PP2D1: variants seen among roughly 807,000 people sequenced by gnomAD.
PP2D1 encodes the protein protein phosphatase 2C-like domain-containing protein 1.
A neutral mutation model predicts 30.2 loss-of-function variants in PP2D1; 25 were observed. The observed-to-expected ratio is 0.83, with a 90% CI of 0.60 to 1.16. The LOEUF (loss-of-function observed/expected upper bound fraction) is 1.16, where lower values mean the gene tolerates loss of function less well. Ranked by LOEUF, PP2D1 falls within the 50% of genes most tolerant of loss-of-function variation. The pLI, the probability that PP2D1 is intolerant of heterozygous loss-of-function variation, is 0.00. For synonymous variants in PP2D1, 260 were observed against 258.9 expected (o/e 1.00, Z -0.04); for missense variants, 760 against 742.4 (o/e 1.02, Z -0.28).
At chr3:20,009,554 G>A (rs1697361291) in intron 1 of PP2D1, among the ~76,000 whole-genome samples, 1 of 152,070 alleles carries the variant, frequency 6.6e-6, no homozygotes, top group Non-Finnish European at 1.5e-5. Flanking sequence ...AAAATGAATG[G>A]AAAATAATGT....
At position 19,986,033 on chromosome 3, in the gene PP2D1, C is replaced by G; in HGVS notation, c.1240G>C (p.Val414Leu). 6.5e-7 allele frequency: 1 copy of G among 1,536,094 alleles called. No homozygotes were observed. Among genetic ancestry groups the G allele is most frequent in the Non-Finnish European group, 8.7e-7 (1 of 1,146,878 alleles). The change falls in exon 3 of 3, where the codon GTA (valine) becomes CTA (leucine). Residue 414 changes from valine to leucine, a missense_variant. Physicochemically the swap from Val to Leu is conservative, Grantham distance 32. Transcript: ENST00000389050. Reference protein sequence around the residue: ...NEPYGLVEGQVKTTRGLGFHG... With the variant: ...NEPYGLVEGQLKTTRGLGFHG... The stretch of plus-strand genomic sequence containing the variant: ...AATCCAAGTCCTCGTGTAGTTTTTA[C>G]TTGCCCCTCTACAAGCCCGTATGGT...
intron 2 of PP2D1, among the ~76,000 whole-genome samples, chr3:19,991,399 G>A (rs1697118002): frequency 6.6e-6 from 1 of 152,192 alleles, no homozygotes; most frequent in South Asian, 2.1e-4. Flanking sequence ...AGCCAGAAAG[G>A]TGACTTAGTG....
At chr3:20,004,212 A>G (rs1447357880) in intron 1 of PP2D1, among the ~76,000 whole-genome samples, 3 of 152,172 alleles carry the variant, frequency 2.0e-5, no homozygotes, top group Non-Finnish European at 2.9e-5. Context: ...AATACTTACC[A>G]TGTGTTACAA....
chr3:19,980,445 A>ATTTTTTTTTTTT (rs11441052), downstream of PP2D1, among the ~76,000 whole-genome samples: 1 of 148,104 alleles, frequency 6.8e-6, no homozygotes, highest in African/African-American at 2.5e-5. Flanking sequence ...AGGTTAGTAA[A>ATTTTTTTTTTTT]TTTTTTTTTC....
At chr3:19,982,538 A>C (rs1470755403), downstream of PP2D1, among the ~76,000 whole-genome samples, 1 of 152,128 alleles carries the variant, frequency 6.6e-6, no homozygotes, top group Admixed American at 6.5e-5. Context: ...TTACTCTGCA[A>C]GGTGTAAGTT....
chr3:20,008,150 G>A (rs1203046344), intron 1 of PP2D1: 2 of 155,516 alleles, frequency 1.3e-5, no homozygotes, highest in African/African-American at 2.4e-5. Context: ...CGGTGGCGGC[G>A]GCTGTTACTG....
chr3:20,001,645 A>G lies in PP2D1; in HGVS notation c.475T>C (p.Tyr159His). ...IFDNIDRSVIYSQKICHLLIK... is the reference protein window; with the variant it reads ...IFDNIDRSVIHSQKICHLLIK... ...AACAGATGACATATTTTTTGAGAATATATGACACTCCTGTCAATGTTATCA... is the reference window on the plus strand; with the variant it reads ...AACAGATGACATATTTTTTGAGAATGTATGACACTCCTGTCAATGTTATCA... The change falls in exon 2 of 3, where the codon TAT (tyrosine) becomes CAT (histidine). Residue 159 changes from tyrosine to histidine, a missense_variant. Transcript: ENST00000389050. 1 of 1,536,318 alleles carries G rather than the reference A, an allele frequency of 6.5e-7. No individual in the cohort carries two copies. Among genetic ancestry groups the G allele is most frequent in the Non-Finnish European group, 8.7e-7 (1 of 1,146,906 alleles).
rs1395330346 is a variant in PP2D1, at chr3:20,012,152, G to T, written c.-80C>A. 3 of 1,187,738 alleles carry T rather than the reference G, an allele frequency of 2.5e-6. No homozygotes were observed. The highest frequency in any genetic ancestry group is 3.6e-6 in the Non-Finnish European group (3 of 839,342). 73.6% of individuals were successfully genotyped at this position (1,187,738 alleles called of 1,614,324 possible). ...TATTTCTCCAACTTGAGTAGTGATG[G>T]TGATGGTGGAGGTAGAGGTGAATGT... On this transcript the variant is annotated 5_prime_UTR_variant, in exon 1 of 3. Transcript: ENST00000389050.
chr3:20,008,029 GC>G (rs1023058359), intron 1 of PP2D1: 1 of 180,910 alleles, frequency 5.5e-6, no homozygotes, highest in African/African-American at 2.4e-5. Context: ...CTTCTTTCTA[GC>G]CTCTGGATAG....
intron 1 of PP2D1, among the ~76,000 whole-genome samples, chr3:20,008,541 C>T (rs1450241846): frequency 6.6e-6 from 1 of 151,876 alleles, no homozygotes; most frequent in Non-Finnish European, 1.5e-5. Context: ...CACTCCAGCC[C>T]GGGCAACAAG....
downstream of PP2D1, among the ~76,000 whole-genome samples, chr3:19,983,345 CA>C (rs34872300): frequency 8.6e-3 from 788 of 92,084 alleles, 5 homozygotes; most frequent in African/African-American, 0.029. Context: ...GACTACATCT[CA>C]AAAAAAAAAA....
chr3:19,980,445 A>ATTTTTTTT (rs11441052), downstream of PP2D1, among the ~76,000 whole-genome samples: 10 of 148,098 alleles, frequency 6.8e-5, no homozygotes, highest in Non-Finnish European at 7.4e-5. Flanking sequence ...AGGTTAGTAA[A>ATTTTTTTT]TTTTTTTTTC....
chr3:19,994,922 C>G (rs950033091), intron 2 of PP2D1, among the ~76,000 whole-genome samples: 5 of 152,172 alleles, frequency 3.3e-5, no homozygotes, highest in Non-Finnish European at 5.9e-5. Flanking sequence ...TTAGAGGGAG[C>G]ATTGCTGAGG....
At chr3:19,988,351 G>T (rs1300814937) in intron 2 of PP2D1, among the ~76,000 whole-genome samples, 1 of 152,144 alleles carries the variant, frequency 6.6e-6, no homozygotes, top group Non-Finnish European at 1.5e-5. Context: ...CTCTTGTACG[G>T]TTGCACATAA....
chr3:19,992,589 G>A (rs114062543), intron 2 of PP2D1, among the ~76,000 whole-genome samples: 83 of 149,058 alleles, frequency 5.6e-4, no homozygotes, highest in Non-Finnish European at 9.8e-4. Context: ...TGCAAATACC[G>A]CATTAGTGAT....
At chr3:19,992,386 TA>T (rs1370486656) in intron 2 of PP2D1, among the ~76,000 whole-genome samples, 1 of 152,174 alleles carries the variant, frequency 6.6e-6, no homozygotes, top group Non-Finnish European at 1.5e-5. Flanking sequence ...GGAAGGTATA[TA>T]AAATGTCAGT....
downstream of PP2D1, chr3:19,985,327 A>G (rs1575081436): frequency 1.6e-6 from 2 of 1,222,474 alleles, no homozygotes; most frequent in Non-Finnish European, 2.2e-6. Flanking sequence ...TAGCTGGATC[A>G]TTGAAGAATC....
intron 2 of PP2D1, among the ~76,000 whole-genome samples, chr3:19,999,080 A>AT (rs1697218466): frequency 4.9e-5 from 4 of 80,934 alleles, no homozygotes; most frequent in African/African-American, 1.3e-4. Context: ...GTGTGTCTAG[A>AT]CTTTTTTTTT....
At chr3:19,989,475 G>C (rs1236356084) in intron 2 of PP2D1, among the ~76,000 whole-genome samples, 1 of 152,192 alleles carries the variant, frequency 6.6e-6, no homozygotes, top group Non-Finnish European at 1.5e-5. Flanking sequence ...TACATACATA[G>C]TTCTAAAGGC....
Sources: gnomAD v4.1 joint callset for allele counts (sites outside exome capture counted in the v4.1 genomes callset) on GRCh38, gnomAD v4.1.1 for gene constraint, MANE v1.5 for transcripts, NCBI Gene and HGNC (gene_info 2026-07-23, HGNC 2026-07-21) for gene names.